PRH1: variants seen among roughly 807,000 people sequenced by gnomAD.
PRH1 encodes the protein proline rich protein HaeIII subfamily 1.
PRH1 carries 7 observed loss-of-function variants against 7.9 expected under a neutral mutation model. The ratio of observed to expected loss-of-function variants is 0.89; its 90% CI spans 0.50 to 1.67. The LOEUF (loss-of-function observed/expected upper bound fraction) is 1.67, where lower values mean the gene tolerates loss of function less well. Among genes scored for constraint, PRH1 ranks in the 40% most tolerant of loss-of-function variants. PRH1 has a pLI of 0.00. For missense variants in PRH1, 109 were observed against 223.6 expected (o/e 0.49, Z 3.27); for synonymous variants, 45 against 80.8 (o/e 0.56, Z 2.38).
intron 2 of PRH1, among the ~76,000 whole-genome samples, chr12:10,913,454 CA>C (rs34139542): frequency 0.01 from 1,501 of 146,230 alleles, 24 homozygotes; most frequent in African/African-American, 0.035. Context: ...GACTCCGTCT[CA>C]AAAAAAAAAA....
In PRH1 at chr12:11,090,488, G is replaced by A. The variant is rs568499823; in HGVS notation, n.124-43300C>T. ...AACAGATTTTCTTTAATTCAAAAGC[G>A]GAAGAAATGACGTTTCTAACTGCAT... On this transcript the variant is annotated intron_variant and non_coding_transcript_variant, in intron 1 of 4. Transcript: ENST00000541977. 1.1e-4 allele frequency among the ~76,000 whole-genome samples: 10 copies of A among 92,216 alleles called. 4 individuals carry two copies. The highest frequency in any genetic ancestry group is 1.9e-4 in the Non-Finnish European group (7 of 37,590). 60.5% of individuals were successfully genotyped at this position (92,216 alleles called of 152,430 possible). A position where few individuals can be genotyped will look rare whatever the true frequency, so the allele number is the denominator to read the frequency against.
At chr12:11,086,166 G>A (rs1944686934) in intron 1 of PRH1, among the ~76,000 whole-genome samples, 1 of 78,848 alleles carries the variant, frequency 1.3e-5, no homozygotes, top group South Asian at 3.2e-4. Flanking sequence ...TTTCTAAAAT[G>A]AAAAATTAAT....
At chr12:10,902,379 C>G (rs946001665) in intron 2 of PRH1, among the ~76,000 whole-genome samples, 4 of 151,836 alleles carry the variant, frequency 2.6e-5, no homozygotes, top group African/African-American at 4.8e-5. Flanking sequence ...TGTGAAGCAA[C>G]CAAACTCATA....
chr12:10,938,640 G>A, intron 2 of PRH1: 8 of 1,613,836 alleles, frequency 5.0e-6, no homozygotes, highest in Non-Finnish European at 5.9e-6. Flanking sequence ...AAAGTAAAGG[G>A]TATGAAAATG....
intron 1 of PRH1, among the ~76,000 whole-genome samples, chr12:11,059,668 C>T (rs1413346385): frequency 6.6e-6 from 1 of 151,684 alleles, no homozygotes; most frequent in African/African-American, 2.4e-5. Context: ...GATACAGTTG[C>T]ATCAAGACTA....
intron 1 of PRH1, among the ~76,000 whole-genome samples, chr12:11,151,953 G>C (rs1410075096): frequency 6.6e-6 from 1 of 150,864 alleles, no homozygotes; most frequent in African/African-American, 2.4e-5. Context: ...TTTTTTTCAT[G>C]ATGGTAGCCA....
At chr12:11,170,871 C>A (rs1947814271) in intron 1 of PRH1, among the ~76,000 whole-genome samples, 1 of 152,160 alleles carries the variant, frequency 6.6e-6, no homozygotes, top group Admixed American at 6.5e-5. Flanking sequence ...AATACAGAGA[C>A]CTTGTGCTTT....
rs982528974 is a variant in PRH1, at chr12:11,111,942, T to C, written n.123+59480A>G. Among the ~76,000 whole-genome samples the C allele has an allele frequency of 6.4e-5, 8 of 124,480 alleles. No homozygotes were observed. In the South Asian group the frequency reaches 9.0e-4, roughly 14 times the overall value. The allele number at this position is 124,480 out of a possible 152,430, so 81.7% of individuals were successfully genotyped here. ...AAGAAGAAAAGAGAGAATAATCCAATAGACACAATAAAAAATAATAAAGGA... is the reference window on the plus strand; with the variant it reads ...AAGAAGAAAAGAGAGAATAATCCAACAGACACAATAAAAAATAATAAAGGA... On this transcript the variant is annotated intron_variant and non_coding_transcript_variant, in intron 1 of 4. Transcript: ENST00000541977.
At chr12:10,903,347 A>C (rs2110094) in intron 2 of PRH1, among the ~76,000 whole-genome samples, 74,594 of 151,914 alleles carry the variant, frequency 0.49, 20,744 homozygotes, top group East Asian at 0.72. Context: ...TTGGAGCACC[A>C]AGATTCATGA....
intron 1 of PRH1, among the ~76,000 whole-genome samples, chr12:11,152,016 G>A (rs182156717): frequency 5.3e-4 from 79 of 149,874 alleles, no homozygotes; most frequent in African/African-American, 1.7e-3. Context: ...TTTTACAGTC[G>A]GGTGTTTAGA....
intron 2 of PRH1, among the ~76,000 whole-genome samples, chr12:10,962,844 A>C (rs11054087): frequency 0.24 from 36,886 of 152,004 alleles, 4,490 homozygotes; most frequent in Non-Finnish European, 0.25. Context: ...ATCTCGGCTC[A>C]CTGCAAGCTC....
Position 11,085,241 on chromosome 12 carries a change from C to T in PRH1, n.124-38053G>A, listed in dbSNP as rs570786031. On this transcript the variant is annotated intron_variant and non_coding_transcript_variant, in intron 1 of 4. Coordinates refer to the PRH1 transcript ENST00000541977. ...TTTAACCAATCATTATGTCAAATGA[C>T]TTTGAGAAATATGATTTGTTAACAG... Among the ~76,000 whole-genome samples the T allele has an allele frequency of 3.0e-4, 46 of 151,204 alleles. 1 individual carries two copies. The highest frequency in any genetic ancestry group is 1.1e-3 in the African/African-American group (44 of 41,204).
intron 1 of PRH1, among the ~76,000 whole-genome samples, chr12:11,073,816 A>C (rs1565624519): frequency 6.6e-6 from 1 of 152,184 alleles, no homozygotes; most frequent in Admixed American, 6.5e-5. Flanking sequence ...TGTCTCCATC[A>C]AGCCCGTAGG....
intron 1 of PRH1, among the ~76,000 whole-genome samples, chr12:11,059,404 T>G (rs950811301): frequency 2.6e-5 from 4 of 152,340 alleles, no homozygotes; most frequent in African/African-American, 9.6e-5. Context: ...TAAATAAATG[T>G]CATCACCTTA....
intron 1 of PRH1, among the ~76,000 whole-genome samples, chr12:11,099,688 C>A (rs1040336976): frequency 6.6e-6 from 1 of 152,066 alleles, no homozygotes; most frequent in African/African-American, 2.4e-5. Flanking sequence ...CAGAGTGAGA[C>A]TCCATCTCAA....
chr12:10,975,811 T>A (rs1939068100), intron 1 of PRH1, among the ~76,000 whole-genome samples: 1 of 147,856 alleles, frequency 6.8e-6, no homozygotes, highest in Non-Finnish European at 1.5e-5. Flanking sequence ...TCAACAAAGA[T>A]CAAAAAAGAC....
intron 1 of PRH1, among the ~76,000 whole-genome samples, chr12:11,123,216 A>G (rs1253242102): frequency 1.3e-5 from 2 of 152,252 alleles, no homozygotes; most frequent in African/African-American, 2.4e-5. Context: ...TTTTACTGTA[A>G]TTATTTATCC....
chr12:10,884,372 C>T (rs551263088), upstream of PRH1: 1 of 801,630 alleles, frequency 1.2e-6, no homozygotes, highest in Non-Finnish European at 2.1e-6. Flanking sequence ...TACTTCAGGT[C>T]AAGTGTATCC....
At chr12:11,109,732 G>A (rs868199439) in intron 1 of PRH1, among the ~76,000 whole-genome samples, 2 of 152,100 alleles carry the variant, frequency 1.3e-5, no homozygotes, top group East Asian at 1.9e-4. Context: ...GGCAAAAAAG[G>A]CTGAAAATTC....
Sources: gnomAD v4.1 joint callset for allele counts (sites outside exome capture counted in the v4.1 genomes callset) on GRCh38, gnomAD v4.1.1 for gene constraint, MANE v1.5 for transcripts, NCBI Gene and HGNC (gene_info 2026-07-23, HGNC 2026-07-21) for gene names.